Variants in COLGALT2 observed in about 807,000 individuals in gnomAD.
COLGALT2 encodes procollagen galactosyltransferase 2.
In COLGALT2, 49 loss-of-function variants were observed where a neutral mutation model predicts 73.4. That is an observed-to-expected ratio of 0.67 (90% CI 0.53 to 0.85). The LOEUF (loss-of-function observed/expected upper bound fraction) is 0.85. Ranked by LOEUF, COLGALT2 falls within the 40% of genes least tolerant of loss-of-function variation. The pLI, the probability that COLGALT2 is intolerant of heterozygous loss-of-function variation, is 0.00. For missense variants in COLGALT2, 722 were observed against 790.2 expected, an observed-to-expected ratio of 0.91 and a Z score of 1.03; for synonymous variants, 295 against 307.6, an observed-to-expected ratio of 0.96 and a Z score of 0.43.
rs1669999093 is a variant in COLGALT2, at chr1:183,937,838, A to G, written c.*923T>C. The stretch of plus-strand genomic sequence containing the variant: ...CTGAAAATGTGCTCTGTCTCTTAGC[A>G]GTGACTCACAGAACTCACACCTGCG... On this transcript the variant is annotated 3_prime_UTR_variant, in exon 12 of 12. Coordinates refer to ENST00000361927, the MANE Select transcript of COLGALT2 (RefSeq NM_015101.4). 1.0e-6 allele frequency: 1 copy of G among 985,366 alleles called. No homozygotes were observed. The highest frequency in any genetic ancestry group is 1.2e-6 in the Non-Finnish European group (1 of 829,950). 61.0% of individuals were successfully genotyped at this position (985,366 alleles called of 1,614,324 possible).
chr1:183,946,770 G>A (rs561410158), intron 8 of COLGALT2, among the ~76,000 whole-genome samples: 23 of 152,272 alleles, frequency 1.5e-4, no homozygotes, highest in African/African-American at 5.1e-4. Context: ...GGTGGCTCAC[G>A]CCTGTAATCC....
chr1:184,026,241 C>T (rs937334451), intron 1 of COLGALT2, among the ~76,000 whole-genome samples: 5 of 152,046 alleles, frequency 3.3e-5, no homozygotes, highest in Non-Finnish European at 7.4e-5. Flanking sequence ...ACCAGCCTCA[C>T]TTCATCTCCA....
intron 4 of COLGALT2, among the ~76,000 whole-genome samples, chr1:183,970,922 G>C (rs951833685): frequency 5.3e-5 from 8 of 152,274 alleles, no homozygotes; most frequent in African/African-American, 1.9e-4. Flanking sequence ...AGGGGACTCG[G>C]GTTTTTTAAA....
chr1:183,934,170 T>C (rs779441413), downstream of COLGALT2, among the ~76,000 whole-genome samples: 2 of 152,250 alleles, frequency 1.3e-5, no homozygotes, highest in African/African-American at 2.4e-5. Context: ...ATTCTGTCAA[T>C]GAATTCTTCC....
Position 183,977,846 on chromosome 1 carries a change from G to GCGAAGAAA in COLGALT2, c.374+563_374+564insTTTCTTCG, listed in dbSNP as rs1321456102. Among the ~76,000 whole-genome samples, 86 of 149,498 alleles carry GCGAAGAAA rather than the reference G, an allele frequency of 5.8e-4. 1 individual carries two copies. The highest frequency in any genetic ancestry group is 1.8e-3 in the Admixed American group (27 of 14,884). Reference sequence around the variant, plus strand: ...AGAGAGAGAGAGAGAAAGAAGAGAAGAGAAGCGAAGAAAAGAAAAGAAAGA... The same window carrying GCGAAGAAA: ...AGAGAGAGAGAGAGAAAGAAGAGAAGCGAAGAAAAGAAGCGAAGAAAAGAAAAGAAAGA... On this transcript the variant is annotated intron_variant, in intron 2 of 11. Transcript: ENST00000361927.
chr1:183,932,836 C>T (rs979037650), downstream of COLGALT2, among the ~76,000 whole-genome samples: 1 of 152,108 alleles, frequency 6.6e-6, no homozygotes, highest in Non-Finnish European at 1.5e-5. Flanking sequence ...CAGCGATTCC[C>T]ATGAGTCCCC....
chr1:183,996,746 C>T (rs1321092411), intron 1 of COLGALT2, among the ~76,000 whole-genome samples: 1 of 152,160 alleles, frequency 6.6e-6, no homozygotes, highest in Non-Finnish European at 1.5e-5. Flanking sequence ...GTGAGAAATA[C>T]CTACTGACAG....
chr1:183,956,995 G>C (rs1469699314), intron 6 of COLGALT2, among the ~76,000 whole-genome samples: 1 of 152,028 alleles, frequency 6.6e-6, no homozygotes, highest in Non-Finnish European at 1.5e-5. Context: ...AATTGATCTG[G>C]TCTCTCATTA....
chr1:183,962,903 T>A (rs1374747160), intron 6 of COLGALT2, among the ~76,000 whole-genome samples: 1 of 152,234 alleles, frequency 6.6e-6, no homozygotes, highest in Non-Finnish European at 1.5e-5. Flanking sequence ...TTCTTATACA[T>A]CAGAGCCTCT....
At chr1:184,029,011 T>C (rs1292498596) in intron 1 of COLGALT2, among the ~76,000 whole-genome samples, 1 of 152,200 alleles carries the variant, frequency 6.6e-6, no homozygotes, top group Non-Finnish European at 1.5e-5. Context: ...GGAGCTATTA[T>C]TCAAAGTCTA....
At chr1:184,011,234 G>A (rs1372863222) in intron 1 of COLGALT2, among the ~76,000 whole-genome samples, 1 of 152,204 alleles carries the variant, frequency 6.6e-6, no homozygotes, top group African/African-American at 2.4e-5. Flanking sequence ...CAGCTGTAAA[G>A]TGAATGCTAG....
chr1:183,977,779 G>A (rs1309610508), intron 2 of COLGALT2, among the ~76,000 whole-genome samples: 3 of 143,704 alleles, frequency 2.1e-5, no homozygotes, highest in African/African-American at 5.3e-5. Context: ...GACAGAGTGA[G>A]ACCCTGTCTT....
chr1:183,982,138 G>A (rs1442219447), intron 1 of COLGALT2, among the ~76,000 whole-genome samples: 4 of 152,124 alleles, frequency 2.6e-5, no homozygotes, highest in African/African-American at 7.2e-5. Context: ...GAGGGAGAAC[G>A]ACCCACAGGC....
chr1:183,963,234 C>G (rs1454793852), intron 6 of COLGALT2, among the ~76,000 whole-genome samples: 1 of 152,122 alleles, frequency 6.6e-6, no homozygotes, highest in Non-Finnish European at 1.5e-5. Context: ...GTTCAAATCC[C>G]AATCTGTCAT....
chr1:183,933,347 T>G (rs1463082874), downstream of COLGALT2, among the ~76,000 whole-genome samples: 9 of 152,164 alleles, frequency 5.9e-5, no homozygotes, highest in Non-Finnish European at 8.8e-5. Context: ...GCTGCCTCTT[T>G]CCTCTCCCCT....
downstream of COLGALT2, among the ~76,000 whole-genome samples, chr1:183,934,439 TGAA>T (rs1455746769): frequency 4.6e-5 from 7 of 152,162 alleles, no homozygotes; most frequent in African/African-American, 1.7e-4. Context: ...TGCATTTAAT[TGAA>T]GGACAGCCGG....
chr1:183,978,590 C>A, intron 1 of COLGALT2, 70 bp from the exon 2 acceptor site: 4 of 885,064 alleles, frequency 4.5e-6, no homozygotes, highest in East Asian at 2.6e-5. Context: ...CCAAAAGACC[C>A]CTGACTAACT....
chr1:183,933,496 T>C (rs1336766479), downstream of COLGALT2, among the ~76,000 whole-genome samples: 3 of 152,236 alleles, frequency 2.0e-5, no homozygotes, highest in Non-Finnish European at 4.4e-5. Context: ...TAAAAGCAGT[T>C]AAAGCCCTTC....
At chr1:183,944,620 T>G (rs772361920) in intron 9 of COLGALT2, among the ~76,000 whole-genome samples, 2 of 152,168 alleles carry the variant, frequency 1.3e-5, no homozygotes, top group African/African-American at 2.4e-5. Context: ...GGTAAAGCTA[T>G]TCAATGCCTT....
Sources: gnomAD v4.1 joint callset for allele counts (sites outside exome capture counted in the v4.1 genomes callset) on GRCh38, gnomAD v4.1.1 for gene constraint, MANE v1.5 for transcripts, NCBI Gene and HGNC (gene_info 2026-07-23, HGNC 2026-07-21) for gene names.